HERC5: variants seen among roughly 807,000 people sequenced by gnomAD.
HERC5 encodes E3 ISG15--protein ligase HERC5.
Under a neutral mutation model 119.6 loss-of-function variants are expected in HERC5, and 99 were observed. That is an observed-to-expected ratio of 0.83 (90% confidence interval 0.70 to 0.98). The LOEUF (loss-of-function observed/expected upper bound fraction) is 0.98, where lower values mean the gene tolerates loss of function less well. Among genes scored for constraint, HERC5 ranks in the 50% least tolerant of loss-of-function variants. HERC5 has a pLI of 0.00. For synonymous variants in HERC5, 478 were observed against 445.9 expected, an observed-to-expected ratio of 1.07 and a Z score of -0.91; for missense variants, 1,267 against 1,241.3, an observed-to-expected ratio of 1.02 and a Z score of -0.31.
rs1741047732 is a variant in HERC5, at chr4:88,475,887, A to G, written c.1439A>G (p.His480Arg). 1 of 1,613,952 alleles carries G rather than the reference A, an allele frequency of 6.2e-7. No homozygotes were observed. Among genetic ancestry groups the G allele is most frequent in the East Asian group, 2.2e-5 (1 of 44,850 alleles). ...AATCTGCTCAAAAGACTTCCATTTC[A>G]TTCTCCACCCCAAGAAGCTTTAGAA... is the stretch of plus-strand genomic sequence containing the variant. ...KDNLLKRLPFHSPPQEALEIF... is the reference protein window; with the variant it reads ...KDNLLKRLPFRSPPQEALEIF... Residue 480 changes from histidine (H) to arginine (R), a missense_variant, in exon 12 of 23, where the codon CAT becomes CGT. This residue lies in a region of HERC5 where 777 missense variants were observed against 758.0 expected (regional missense o/e 1.03). Coordinates refer to ENST00000264350, the MANE Select transcript of HERC5 (RefSeq NM_016323.4).
At chr4:88,500,732 ATTTAT>A (rs2149109321) in intron 19 of HERC5, among the ~76,000 whole-genome samples, 178 bp from the exon 20 acceptor site, 1 of 152,360 alleles carries the variant, frequency 6.6e-6, no homozygotes, top group South Asian at 2.1e-4. Flanking sequence ...CTTTGAAAAA[ATTTAT>A]TTTTATTCAG....
At chr4:88,491,685 G>C (rs900958864) in intron 16 of HERC5, among the ~76,000 whole-genome samples, 1 of 152,134 alleles carries the variant, frequency 6.6e-6, no homozygotes, top group African/African-American at 2.4e-5. Flanking sequence ...GTGGAGAAGT[G>C]GGTTTGGAAG....
chr4:88,475,723 T>G, intron 11 of HERC5, 118 bp from the exon 12 acceptor site: 2 of 847,230 alleles, frequency 2.4e-6, no homozygotes, highest in Non-Finnish European at 3.8e-6. Flanking sequence ...ACTCAATGAT[T>G]ATTCTCATTT....
chr4:88,463,228 A>T (rs1740513338), intron 4 of HERC5, among the ~76,000 whole-genome samples: 2 of 152,204 alleles, frequency 1.3e-5, no homozygotes, highest in African/African-American at 4.8e-5. Flanking sequence ...GTAATTCTAG[A>T]TGGCTGTTGG....
At chr4:88,498,728 G>C (rs1340472317) in intron 18 of HERC5, among the ~76,000 whole-genome samples, 2 of 152,124 alleles carry the variant, frequency 1.3e-5, no homozygotes, top group African/African-American at 4.8e-5. Context: ...ATGCCACCAT[G>C]CCTGGCTAAT....
At chr4:88,480,009 G>A (rs1016869459) in intron 13 of HERC5, among the ~76,000 whole-genome samples, 1 of 150,262 alleles carries the variant, frequency 6.7e-6, no homozygotes, top group South Asian at 2.1e-4. Context: ...GGAGCTTGCA[G>A]TGAGCAGAGA....
At chr4:88,487,000 G>A in intron 14 of HERC5, 69 bp from the exon 15 acceptor site, 1 of 1,026,790 alleles carries the variant, frequency 9.7e-7, no homozygotes, top group Non-Finnish European at 1.5e-6. Context: ...GGGATGTAAG[G>A]CTATGAGGTA....
In HERC5 at chr4:88,457,646, C is replaced by T. The variant is rs1001027828; in HGVS notation, c.265+112C>T. On this transcript the variant is annotated intron_variant, in intron 1 of 22. Coordinates refer to ENST00000264350, the MANE Select transcript of HERC5 (RefSeq NM_016323.4). ...CCTGAGGGAGGAGAGCCCAGAAGGC[C>T]GCAGACGCGCGCCTGGCTCGGATAG... 3.7e-6 allele frequency: 4 copies of T among 1,090,860 alleles called. No homozygotes were observed. In the African/African-American group the frequency reaches 4.9e-5, roughly 13 times the overall value. 67.6% of individuals were successfully genotyped at this position (1,090,860 alleles called of 1,614,324 possible).
At chr4:88,471,704 A>G (rs1740874529) in intron 10 of HERC5, among the ~76,000 whole-genome samples, 1 of 152,150 alleles carries the variant, frequency 6.6e-6, no homozygotes, top group Non-Finnish European at 1.5e-5. Flanking sequence ...ATACTTAAAC[A>G]TTTCATTAAT....
chr4:88,488,111 C>G (rs1741525490), intron 15 of HERC5, among the ~76,000 whole-genome samples: 1 of 151,948 alleles, frequency 6.6e-6, no homozygotes, highest in Non-Finnish European at 1.5e-5. Context: ...GATAAAAGAA[C>G]TTTGTTTTGC....
intron 5 of HERC5, 116 bp downstream of exon 5, chr4:88,463,739 G>A: frequency 1.4e-6 from 2 of 1,388,132 alleles, no homozygotes; most frequent in Admixed American, 1.9e-5. Flanking sequence ...CTGTCCTTCT[G>A]ATATTTAGGA....
chr4:88,489,258 C>T lies in HERC5; in HGVS notation c.2055C>T (p.Val685=), dbSNP rs141289100. The T allele has an allele frequency of 2.7e-5, 44 of 1,613,820 alleles. No homozygotes were observed. The African/African-American group carries it at 4.3e-4, about 16-fold the overall frequency. The change falls in exon 16 of 23, where the codon GTC becomes GTT. Residue 685 remains valine, a synonymous_variant. Coordinates refer to ENST00000264350, the MANE Select transcript of HERC5 (RefSeq NM_016323.4). ...FALRPTFDLT[V]RRNHLIEDVL... ...TGAGGCCCACGTTTGATCTAACAGT[C>T]AGAAGGAATCACTTGATTGAGGATG...
At chr4:88,497,024 C>G (rs1009227831) in intron 18 of HERC5, among the ~76,000 whole-genome samples, 12 of 152,128 alleles carry the variant, frequency 7.9e-5, no homozygotes, top group Non-Finnish European at 4.4e-5. Context: ...CACCTATTCC[C>G]TTTAGATTCA....
intron 15 of HERC5, among the ~76,000 whole-genome samples, chr4:88,487,509 T>G (rs537396907): frequency 6.6e-6 from 1 of 152,242 alleles, no homozygotes; most frequent in South Asian, 2.1e-4. Flanking sequence ...TGATTAGGTG[T>G]AACAGACTTG....
chr4:88,474,397 A>G (rs184790048), intron 11 of HERC5, among the ~76,000 whole-genome samples: 1 of 152,296 alleles, frequency 6.6e-6, no homozygotes, highest in East Asian at 1.9e-4. Context: ...AGTGTGTCAG[A>G]CAATAGGACT....
chr4:88,477,227 G>A (rs1318488614), intron 12 of HERC5, among the ~76,000 whole-genome samples: 1 of 87,508 alleles, frequency 1.1e-5, no homozygotes, highest in Non-Finnish European at 2.2e-5. Context: ...TCAAAAGAAA[G>A]GAAGGAAGGG....
Position 88,494,187 on chromosome 4 carries a change from A to G in HERC5, c.2300A>G (p.Tyr767Cys). 6.2e-7 allele frequency: 1 copy of G among 1,608,014 alleles called. No individual in the cohort carries two copies. Among genetic ancestry groups the G allele is most frequent in the Non-Finnish European group, 8.5e-7 (1 of 1,177,902 alleles). Residue 767 changes from tyrosine (Y) to cysteine (C), a missense_variant, in exon 18 of 23, where the codon TAC (tyrosine) becomes TGC (cysteine). Physicochemically the swap from Tyr to Cys is radical, Grantham distance 194. Coordinates refer to ENST00000264350, the MANE Select transcript of HERC5 (RefSeq NM_016323.4). ...PVKPKFEKKRYFFFGVLCGLS... is the reference protein window; with the variant it reads ...PVKPKFEKKRCFFFGVLCGLS... ...CAGCCTAAATTTGAGAAGAAAAGAT[A>G]CTTCTTTTTTGGGGTTCTATGTGGA...
chr4:88,474,385 A>C (rs939124063), intron 11 of HERC5, among the ~76,000 whole-genome samples: 26 of 152,214 alleles, frequency 1.7e-4, no homozygotes, highest in African/African-American at 6.3e-4. Context: ...ATGCCAAAGC[A>C]CAGTGTGTCA....
Position 88,470,635 on chromosome 4 carries a change from A to T in HERC5, c.1260A>T (p.Ser420=). The T allele has an allele frequency of 6.6e-7, 1 of 1,513,900 alleles. No homozygotes were observed. The highest frequency in any genetic ancestry group is 2.3e-5 in the East Asian group (1 of 44,036). The allele number at this position is 1,513,900 out of a possible 1,614,324, so 93.8% of individuals were successfully genotyped here. Residue 420 remains serine (S), a synonymous_variant, in exon 10 of 23, where the codon TCA becomes TCT. Coordinates refer to ENST00000264350, the MANE Select transcript of HERC5 (RefSeq NM_016323.4). ...ATAGGGAAATCCAAGAGATATTTTC[A>T]TCTCCTGCTTGTCTAACTGGAAGTT... ...STKREIQEIF[S]SPACLTGSFL...
Sources: allele counts gnomAD v4.1 joint callset (sites outside exome capture counted in the v4.1 genomes callset), GRCh38; gene constraint gnomAD v4.1.1; regional missense constraint gnomAD v4.1.1; transcripts MANE v1.5; gene names NCBI Gene and HGNC (gene_info 2026-07-23, HGNC 2026-07-21).